BTD: variants seen among roughly 807,000 people sequenced by gnomAD.
BTD encodes biocytinase.
A neutral mutation model predicts 17.7 loss-of-function variants in BTD; 13 were observed. The ratio of observed to expected loss-of-function variants is 0.74; its 90% CI spans 0.48 to 1.17. The LOEUF (loss-of-function observed/expected upper bound fraction) is 1.17, where lower values mean the gene tolerates loss of function less well. Ranked by LOEUF, BTD falls within the 50% of genes most tolerant of loss-of-function variation. The pLI is 0.00. For missense variants in BTD, 674 were observed against 650.4 expected (o/e 1.04, Z -0.39); for synonymous variants, 240 against 245.2 (o/e 0.98, Z 0.20).
At chr3:15,662,262 C>A (rs969241153) in intron 3 of BTD, among the ~76,000 whole-genome samples, 3 of 152,176 alleles carry the variant, frequency 2.0e-5, no homozygotes, top group African/African-American at 7.2e-5. Flanking sequence ...ACTATCTCTG[C>A]ATTTATTTTT....
intron 4 of BTD, among the ~76,000 whole-genome samples, chr3:15,719,587 T>C (rs1043245479): frequency 1.3e-5 from 2 of 152,232 alleles, no homozygotes; most frequent in Non-Finnish European, 2.9e-5. Context: ...TTCATTCATT[T>C]GAGGCAAGGT....
At chr3:15,680,946 C>A (rs925946203) in intron 3 of BTD, among the ~76,000 whole-genome samples, 1 of 152,214 alleles carries the variant, frequency 6.6e-6, no homozygotes, top group Non-Finnish European at 1.5e-5. Flanking sequence ...GGATTACAGG[C>A]ATAAGCCACC....
intron 1 of BTD, among the ~76,000 whole-genome samples, chr3:15,623,935 C>T (rs2065010667): frequency 6.6e-6 from 1 of 152,212 alleles, no homozygotes; most frequent in Non-Finnish European, 1.5e-5. Flanking sequence ...ATAAATTACC[C>T]AGCTTCAGGT....
intron 1 of BTD, among the ~76,000 whole-genome samples, chr3:15,610,915 A>G (rs948356345): frequency 6.7e-6 from 1 of 149,510 alleles, no homozygotes; most frequent in Non-Finnish European, 1.5e-5. Context: ...AGTCAGGGTC[A>G]TGGTTACTTG....
chr3:15,641,968 T>A lies in BTD; in HGVS notation c.310T>A (p.Ser104Thr). ...GIHGFNFTRT[S>T]IYPFLDFMPS... ...TCATGGATTCAACTTTACAAGAACA[T>A]CCATTTATCCATTTTTGGACTTCAT... Residue 104 changes from serine to threonine, a missense_variant, in exon 3 of 4, where the codon TCC becomes ACC. Transcript: ENST00000643237. The A allele has an allele frequency of 6.2e-7, 1 of 1,614,110 alleles. No homozygotes were observed. Among genetic ancestry groups the A allele is most frequent in the Non-Finnish European group, 8.5e-7 (1 of 1,180,008 alleles).
chr3:15,704,253 C>T (rs564334340), intron 3 of BTD, among the ~76,000 whole-genome samples: 133 of 152,076 alleles, frequency 8.7e-4, no homozygotes, highest in African/African-American at 3.2e-3. Context: ...ACCAAGAACG[C>T]AGGCATCAGG....
intron 3 of BTD, among the ~76,000 whole-genome samples, chr3:15,704,195 C>T (rs2071028882): frequency 1.3e-5 from 2 of 152,040 alleles, no homozygotes; most frequent in African/African-American, 2.4e-5. Context: ...TGGATTCTTA[C>T]ATGATGTAAA....
At chr3:15,624,024 A>C (rs2065013987) in intron 1 of BTD, among the ~76,000 whole-genome samples, 1 of 152,226 alleles carries the variant, frequency 6.6e-6, no homozygotes, top group Non-Finnish European at 1.5e-5. Flanking sequence ...TCAACACTTT[A>C]AATATTTCAC....
intron 1 of BTD, among the ~76,000 whole-genome samples, chr3:15,609,319 C>T (rs185997861): frequency 2.8e-4 from 42 of 152,326 alleles, no homozygotes; most frequent in African/African-American, 9.6e-4. Context: ...ACCTCCTTTC[C>T]TGTCCTACAG....
chr3:15,691,169 C>T (rs1350307929), intron 3 of BTD, among the ~76,000 whole-genome samples: 1 of 150,860 alleles, frequency 6.6e-6, no homozygotes. Flanking sequence ...TGTCACCAGG[C>T]TGGAGTGCAG....
At chr3:15,668,557 T>G (rs1469859163) in intron 3 of BTD, 1 of 152,562 alleles carries the variant, frequency 6.6e-6, no homozygotes, top group Non-Finnish European at 1.5e-5. Flanking sequence ...CCCTAGAAAC[T>G]TTATAGATTT....
At chr3:15,643,139 T>G (rs2065581401) in intron 3 of BTD, among the ~76,000 whole-genome samples, 1 of 152,224 alleles carries the variant, frequency 6.6e-6, no homozygotes, top group East Asian at 1.9e-4. Context: ...AACTTTGATT[T>G]CACTTTACAG....
rs1479181683 is a variant in BTD, at chr3:15,651,793, G to T, written c.*6305G>T. 1.3e-5 allele frequency among the ~76,000 whole-genome samples: 2 copies of T among 152,216 alleles called. No individual in the cohort carries two copies. The highest frequency in any genetic ancestry group is 1.3e-4 in the Admixed American group (2 of 15,284). On this transcript the variant is annotated 3_prime_UTR_variant, in exon 4 of 4. Coordinates refer to ENST00000643237, the MANE Select transcript of BTD (RefSeq NM_001370658.1). ...GGAAGATAAATGCAGCCCTGGCATGGTTCTTCCAGAACATTCTGCAAGCTC... is the reference window on the plus strand; with the variant it reads ...GGAAGATAAATGCAGCCCTGGCATGTTTCTTCCAGAACATTCTGCAAGCTC...
intron 3 of BTD, among the ~76,000 whole-genome samples, chr3:15,703,897 T>G (rs1276322204): frequency 1.3e-5 from 2 of 152,196 alleles, no homozygotes; most frequent in Non-Finnish European, 2.9e-5. Context: ...TGATTAAGGC[T>G]GTGAGGGACA....
intron 3 of BTD, chr3:15,676,016 C>T (rs750816673): frequency 6.3e-7 from 1 of 1,582,088 alleles, no homozygotes; most frequent in Non-Finnish European, 8.6e-7. Flanking sequence ...GATACATGTA[C>T]ACATATGTGC....
At position 15,647,119 on chromosome 3, in the gene BTD, C is replaced by T. The variant is rs1236551246; in HGVS notation, c.*1631C>T. On this transcript the variant is annotated 3_prime_UTR_variant, in exon 4 of 4. Coordinates refer to ENST00000643237, the MANE Select transcript of BTD (RefSeq NM_001370658.1). The stretch of plus-strand genomic sequence containing the variant: ...GAATTCCTGAGCAAGCCTTGGGTTC[C>T]CCACGCCCTAGGAAGTCCCTCTGGA... The T allele has an allele frequency of 6.6e-6, 1 of 152,182 alleles. No homozygotes were observed. Among genetic ancestry groups the T allele is most frequent in the African/African-American group, 2.4e-5 (1 of 41,412 alleles). The allele number at this position is 152,182 out of a possible 1,614,324, so 9.4% of individuals were successfully genotyped here.
chr3:15,714,537 A>AAG, downstream of BTD: 3 of 1,451,912 alleles, frequency 2.1e-6, no homozygotes, highest in Non-Finnish European at 2.8e-6. Context: ...TTTAAGAAAA[A>AAG]AAAAAAAAAA....
At chr3:15,674,489 C>G (rs537456733) in intron 3 of BTD, among the ~76,000 whole-genome samples, 1 of 152,250 alleles carries the variant, frequency 6.6e-6, no homozygotes, top group East Asian at 1.9e-4. Context: ...ATCAACAGTT[C>G]AGTTCTGCAC....
chr3:15,608,400 A>G (rs1042484568), intron 1 of BTD, among the ~76,000 whole-genome samples: 2 of 152,216 alleles, frequency 1.3e-5, no homozygotes, highest in African/African-American at 4.8e-5. Context: ...TTACTTGTGT[A>G]AAATGCACCA....
Sources: gnomAD v4.1 joint callset for allele counts (sites outside exome capture counted in the v4.1 genomes callset) on GRCh38, gnomAD v4.1.1 for gene constraint, MANE v1.5 for transcripts, NCBI Gene and HGNC (gene_info 2026-07-23, HGNC 2026-07-21) for gene names.